GALNT8: variants seen among roughly 807,000 people sequenced by gnomAD.
GALNT8 encodes the protein polypeptide N-acetylgalactosaminyltransferase 8.
A neutral mutation model predicts 62.7 loss-of-function variants in GALNT8; 66 were observed. That is an observed-to-expected ratio of 1.05 (90% CI 0.86 to 1.29). GALNT8 has a LOEUF of 1.29. Among genes scored for constraint, GALNT8 ranks in the 50% most tolerant of loss-of-function variants. The pLI is 0.00. For synonymous variants in GALNT8, 288 were observed against 294.3 expected, an observed-to-expected ratio of 0.98 and a Z score of 0.22; for missense variants, 771 against 791.8, an observed-to-expected ratio of 0.97 and a Z score of 0.32.
rs1946382570 is a variant in GALNT8, at chr12:4,763,530, C to G, written c.1497+140C>G. The G allele has an allele frequency of 4.3e-6, 3 of 692,306 alleles. No homozygotes were observed. In the East Asian group the frequency reaches 7.5e-5, roughly 17 times the overall value. 42.9% of individuals were successfully genotyped at this position (692,306 alleles called of 1,614,324 possible). ...TACTCAGCTCTTCGCCCTCAACCCTCTCAGTTTCCTTTTGTCCCTTGCTCC... is the reference window on the plus strand; with the variant it reads ...TACTCAGCTCTTCGCCCTCAACCCTGTCAGTTTCCTTTTGTCCCTTGCTCC... On this transcript the variant is annotated intron_variant, in intron 8 of 10. Coordinates refer to ENST00000252318, the MANE Select transcript of GALNT8 (RefSeq NM_017417.2).
chr12:4,770,486 A>G (rs1323932602), intron 10 of GALNT8, among the ~76,000 whole-genome samples: 1 of 152,172 alleles, frequency 6.6e-6, no homozygotes, highest in Non-Finnish European at 1.5e-5. Flanking sequence ...CTAAAAGGTC[A>G]CAATAAATTA....
chr12:4,726,772 C>T lies in GALNT8; in HGVS notation c.452C>T (p.Ala151Val), dbSNP rs547136904. ...CTCTTCCGGAAGTTTGGTTACAACGCGTACCTCAGCAACCAGCTGCCTCTC... is the reference window on the plus strand; with the variant it reads ...CTCTTCCGGAAGTTTGGTTACAACGTGTACCTCAGCAACCAGCTGCCTCTC... ...QDLFRKFGYN[A>V]YLSNQLPLNR... Residue 151 changes from alanine (A) to valine (V), a missense_variant, in exon 2 of 11, where the codon GCG becomes GTG. By Grantham distance (64) the Ala-to-Val change is moderately conservative. Coordinates refer to ENST00000252318, the MANE Select transcript of GALNT8 (RefSeq NM_017417.2). The surrounding 1 kb of genome is among the most constrained non-coding windows in gnomAD (Gnocchi z 4.1). 113 of 1,613,880 alleles carry T rather than the reference C, an allele frequency of 7.0e-5. No individual in the cohort carries two copies. Among genetic ancestry groups the T allele is most frequent in the East Asian group, 1.3e-4 (6 of 44,852 alleles).
chr12:4,761,144 G>T lies in GALNT8; in HGVS notation c.1359+1G>T. The T allele has an allele frequency of 6.2e-7, 1 of 1,612,496 alleles. No homozygotes were observed. Among genetic ancestry groups the T allele is most frequent in the Non-Finnish European group, 8.5e-7 (1 of 1,178,634 alleles). On this transcript the variant is annotated splice_donor_variant, in intron 7 of 10. Transcript: ENST00000252318. LOFTEE classifies it high-confidence loss of function. ...CTTGGCCTGGAACATACCTCTCCAGGTGAGTCATGGAATTGAACAGCAGCA... is the reference window on the plus strand; with the variant it reads ...CTTGGCCTGGAACATACCTCTCCAGTTGAGTCATGGAATTGAACAGCAGCA...
At chr12:4,741,489 C>A (rs1184588134) in intron 3 of GALNT8, among the ~76,000 whole-genome samples, 1 of 151,984 alleles carries the variant, frequency 6.6e-6, no homozygotes, top group Non-Finnish European at 1.5e-5. Flanking sequence ...CAACGTCAGG[C>A]AAGTCCCCTC....
chr12:4,723,517 G>A (rs1167585565), intron 1 of GALNT8, among the ~76,000 whole-genome samples: 1 of 152,194 alleles, frequency 6.6e-6, no homozygotes, highest in African/African-American at 2.4e-5. Context: ...TAAAATGGCA[G>A]GAGTTCTACC....
chr12:4,728,831 C>T (rs1350865276), intron 2 of GALNT8, among the ~76,000 whole-genome samples: 1 of 152,116 alleles, frequency 6.6e-6, no homozygotes, highest in Non-Finnish European at 1.5e-5. Context: ...ACTGTTTTGT[C>T]TATTCTGGGA....
At chr12:4,737,988 G>T (rs538655507) in intron 2 of GALNT8, among the ~76,000 whole-genome samples, 1 of 152,250 alleles carries the variant, frequency 6.6e-6, no homozygotes, top group Admixed American at 6.5e-5. Flanking sequence ...TGCACAAAAT[G>T]GACTGACACT....
At chr12:4,733,374 C>T (rs934486915) in intron 2 of GALNT8, among the ~76,000 whole-genome samples, 1 of 152,118 alleles carries the variant, frequency 6.6e-6, no homozygotes, top group Non-Finnish European at 1.5e-5. Flanking sequence ...ACATTTCCTA[C>T]CTCTTTTGAT....
intron 1 of GALNT8, among the ~76,000 whole-genome samples, chr12:4,721,235 G>A (rs2137514091): frequency 6.6e-6 from 1 of 152,248 alleles, no homozygotes; most frequent in Admixed American, 6.5e-5. Context: ...GCCTATTGAA[G>A]GGGTGGGTTG....
intron 10 of GALNT8, among the ~76,000 whole-genome samples, chr12:4,771,883 G>A (rs1946426135): frequency 6.6e-6 from 1 of 152,188 alleles, no homozygotes; most frequent in Non-Finnish European, 1.5e-5. Flanking sequence ...ATGTGGAAGA[G>A]CAAGGATTCA....
chr12:4,743,450 G>T (rs989354851), intron 3 of GALNT8, among the ~76,000 whole-genome samples: 6 of 152,198 alleles, frequency 3.9e-5, no homozygotes, highest in Non-Finnish European at 8.8e-5. Flanking sequence ...TAGTCACTTA[G>T]GTGTTGATTC....
At chr12:4,751,416 A>G (rs547528477) in intron 6 of GALNT8, among the ~76,000 whole-genome samples, 1 of 152,250 alleles carries the variant, frequency 6.6e-6, no homozygotes, top group East Asian at 1.9e-4. Flanking sequence ...TCCTCTTAGT[A>G]CTGTTTTTGC....
At chr12:4,757,028 GT>G (rs1396707109) in intron 6 of GALNT8, among the ~76,000 whole-genome samples, 1 of 152,182 alleles carries the variant, frequency 6.6e-6, no homozygotes, top group Non-Finnish European at 1.5e-5. Flanking sequence ...AGATCTGATG[GT>G]TTTATAAGTG....
intron 9 of GALNT8, 125 bp from the exon 10 acceptor site, chr12:4,765,254 G>T: frequency 1.3e-6 from 1 of 742,128 alleles, no homozygotes; most frequent in Non-Finnish European, 2.1e-6. Context: ...CAGTGCTCTT[G>T]GTGTGACTGG....
rs1946381257 is a variant in GALNT8 at position 4,763,327 on chromosome 12, C to G, written c.1434C>G (p.Asp478Glu). The G allele has an allele frequency of 1.2e-6, 2 of 1,611,324 alleles. No homozygotes were observed. Among genetic ancestry groups the G allele is most frequent in the Non-Finnish European group, 1.7e-6 (2 of 1,177,436 alleles). The stretch of plus-strand genomic sequence containing the variant: ...AAAAACTGAAATGTAAAACTTTTGA[C>G]TGGTACCTGAAAAATGTTTATCCAC... ...LREKLKCKTF[D>E]WYLKNVYPLL... The change falls in exon 8 of 11, where the codon GAC (aspartate) becomes GAG (glutamate). Residue 478 changes from aspartate (D) to glutamate (E), a missense_variant. Coordinates refer to ENST00000252318, the MANE Select transcript of GALNT8 (RefSeq NM_017417.2).
intron 2 of GALNT8, among the ~76,000 whole-genome samples, chr12:4,734,834 G>C (rs1946237536): frequency 6.6e-6 from 1 of 152,108 alleles, no homozygotes; most frequent in Non-Finnish European, 1.5e-5. Flanking sequence ...AGGAGTGTGT[G>C]CTTTTTTGTG....
intron 6 of GALNT8, among the ~76,000 whole-genome samples, chr12:4,756,673 T>C (rs1946346631): frequency 6.6e-6 from 1 of 152,192 alleles, no homozygotes; most frequent in Non-Finnish European, 1.5e-5. Flanking sequence ...TAGAGTTTAT[T>C]TCATTCCACT....
At chr12:4,723,922 G>A (rs561547869) in intron 1 of GALNT8, among the ~76,000 whole-genome samples, 2 of 151,920 alleles carry the variant, frequency 1.3e-5, no homozygotes, top group Non-Finnish European at 2.9e-5. Flanking sequence ...AGGCCGAGGC[G>A]GGTGGATCAC....
intron 3 of GALNT8, among the ~76,000 whole-genome samples, chr12:4,741,137 T>C (rs1052696676): frequency 1.3e-5 from 2 of 152,174 alleles, no homozygotes; most frequent in African/African-American, 4.8e-5. Flanking sequence ...CTGAGGATCT[T>C]TAAGTACCAG....
Sources: allele counts gnomAD v4.1 joint callset (sites outside exome capture counted in the v4.1 genomes callset), GRCh38; gene constraint gnomAD v4.1.1; non-coding constraint Gnocchi (gnomAD v3.1); transcripts MANE v1.5; gene names NCBI Gene and HGNC (gene_info 2026-07-23, HGNC 2026-07-21).